Variants in CAMSAP1 observed in about 807,000 individuals in gnomAD.
CAMSAP1 encodes the protein calmodulin regulated spectrin associated protein 1.
CAMSAP1 carries 58 observed loss-of-function variants against 143.5 expected under a neutral mutation model. The ratio of observed to expected loss-of-function variants is 0.40; its 90% confidence interval spans 0.33 to 0.50. CAMSAP1 has a LOEUF of 0.50. Ranked by LOEUF, CAMSAP1 falls within the 20% of genes least tolerant of loss-of-function variation. CAMSAP1 has a pLI of 0.45. For synonymous variants in CAMSAP1, 945 were observed against 859.3 expected (o/e 1.10, Z -1.74); for missense variants, 1,969 against 2,115.7 (o/e 0.93, Z 1.36).
chr9:135,866,370 G>A (rs1017801717), intron 4 of CAMSAP1, 86 bp downstream of exon 4: 4 of 722,634 alleles, frequency 5.5e-6, no homozygotes, highest in South Asian at 1.6e-5. Flanking sequence ...TAGAGAATAA[G>A]CAAATAGTGG....
At chr9:135,893,336 C>G (rs1267942795) in intron 1 of CAMSAP1, among the ~76,000 whole-genome samples, 1 of 83,188 alleles carries the variant, frequency 1.2e-5, no homozygotes, top group African/African-American at 4.6e-5. Context: ...AAGGAAAAAA[C>G]AAAAAAGAAA....
chr9:135,887,655 C>T (rs552777056), intron 1 of CAMSAP1, among the ~76,000 whole-genome samples: 97 of 152,182 alleles, frequency 6.4e-4, no homozygotes, highest in Admixed American at 1.9e-3. Context: ...AAGGGGTGGG[C>T]GGCCCATCAG....
intron 5 of CAMSAP1, among the ~76,000 whole-genome samples, chr9:135,851,618 C>T (rs1836786584): frequency 2.0e-5 from 3 of 152,252 alleles, no homozygotes; most frequent in African/African-American, 7.2e-5. Context: ...ACACTGTCTG[C>T]ATCCACAAGT....
chr9:135,827,322 A>C (rs1182510196), intron 8 of CAMSAP1, 85 bp downstream of exon 8: 2 of 1,289,724 alleles, frequency 1.6e-6, no homozygotes, highest in African/African-American at 3.0e-5. Flanking sequence ...ATTTTAAAAA[A>C]GGTAACTTCA....
At position 135,824,607 on chromosome 9, in the gene CAMSAP1, G is replaced by A. The variant is rs1411999289; in HGVS notation, c.1315+182C>T. 6.6e-6 allele frequency among the ~76,000 whole-genome samples: 1 copy of A among 152,214 alleles called. No homozygotes were observed. Among genetic ancestry groups the A allele is most frequent in the East Asian group, 1.9e-4 (1 of 5,198 alleles). On this transcript the variant is annotated intron_variant, in intron 9 of 16. Coordinates refer to ENST00000389532, the MANE Select transcript of CAMSAP1 (RefSeq NM_015447.4). This position sits in a 1 kb window ranked among gnomAD's most constrained non-coding sequence, Gnocchi z 4.1. Reference sequence around the variant, plus strand: ...TTGAACCAGGGAGTCAGAGGCTGCAGTGAGCCGAGATCGCGCCACAGCACT... The same window carrying A: ...TTGAACCAGGGAGTCAGAGGCTGCAATGAGCCGAGATCGCGCCACAGCACT...
intron 4 of CAMSAP1, 128 bp downstream of exon 4, chr9:135,866,328 A>G: frequency 1.6e-6 from 1 of 620,978 alleles, no homozygotes; most frequent in Non-Finnish European, 2.9e-6. Flanking sequence ...AGGTGAATCC[A>G]AGAGACTAGC....
chr9:135,844,279 A>T (rs1308805996), intron 7 of CAMSAP1, among the ~76,000 whole-genome samples: 1 of 152,196 alleles, frequency 6.6e-6, no homozygotes, highest in Non-Finnish European at 1.5e-5. Flanking sequence ...ATCAAATTAG[A>T]ACTCAGGATG....
chr9:135,897,203 G>A (rs1838482919), intron 1 of CAMSAP1, among the ~76,000 whole-genome samples: 1 of 152,094 alleles, frequency 6.6e-6, no homozygotes, highest in African/African-American at 2.4e-5. Context: ...TGCCCAGGCT[G>A]GAGTGCAGTG....
At chr9:135,894,351 T>C (rs1318786292) in intron 1 of CAMSAP1, among the ~76,000 whole-genome samples, 2 of 152,070 alleles carry the variant, frequency 1.3e-5, no homozygotes, top group Non-Finnish European at 2.9e-5. Flanking sequence ...AGGGAAGCCA[T>C]CCGAGGGGAG....
At chr9:135,872,978 C>T (rs1837618354) in intron 3 of CAMSAP1, among the ~76,000 whole-genome samples, 1 of 152,132 alleles carries the variant, frequency 6.6e-6, no homozygotes, top group African/African-American at 2.4e-5. Context: ...ACACAAACAC[C>T]ACCAACAACC....
intron 1 of CAMSAP1, among the ~76,000 whole-genome samples, chr9:135,904,684 A>T (rs1838717551): frequency 6.6e-6 from 1 of 151,442 alleles, no homozygotes; most frequent in African/African-American, 2.4e-5. Flanking sequence ...AGAAGTGGAA[A>T]CCAGCCAGGC....
At chr9:135,834,680 C>T (rs982789925) in intron 7 of CAMSAP1, among the ~76,000 whole-genome samples, 2 of 152,052 alleles carry the variant, frequency 1.3e-5, no homozygotes, top group African/African-American at 4.8e-5. Flanking sequence ...ACCAAGTTTC[C>T]ATTTTAAGGT....
Position 135,823,107 on chromosome 9 carries a change from G to A in CAMSAP1, c.1554C>T (p.His518=), listed in dbSNP as rs1835545258. ...TCCCGTGGCTCTTCGTGGCCGTGGG[G>A]TGTGGCTGGTTCTGTGGGGTCAGAT... ...IVNLTPQNQP[H]PTATKSHGKS... Residue 518 remains histidine (H), a synonymous_variant, in exon 11 of 17, where the codon CAC becomes CAT. Coordinates refer to ENST00000389532, the MANE Select transcript of CAMSAP1 (RefSeq NM_015447.4). 1.2e-6 allele frequency: 2 copies of A among 1,613,930 alleles called. No homozygotes were observed. Among genetic ancestry groups the A allele is most frequent in the Non-Finnish European group, 1.7e-6 (2 of 1,179,916 alleles).
chr9:135,845,170 G>A (rs1390067349), intron 7 of CAMSAP1, among the ~76,000 whole-genome samples: 3 of 152,110 alleles, frequency 2.0e-5, no homozygotes, highest in African/African-American at 7.2e-5. Context: ...TATCCACCAC[G>A]ATCAAGTTGG....
chr9:135,882,906 G>A lies in CAMSAP1; in HGVS notation c.333C>T (p.Ile111=), dbSNP rs142852004. 1 of 1,551,738 alleles carries A rather than the reference G, an allele frequency of 6.4e-7. No homozygotes were observed. Among genetic ancestry groups the A allele is most frequent in the East Asian group, 2.4e-5 (1 of 40,926 alleles). The change falls in exon 2 of 17, where the codon ATC becomes ATT. Residue 111 remains isoleucine (I), a synonymous_variant. Coordinates refer to ENST00000389532, the MANE Select transcript of CAMSAP1 (RefSeq NM_015447.4). This position sits in a 1 kb window ranked among gnomAD's most constrained non-coding sequence, Gnocchi z 4.9. ...AGATCCCTTTCCGGGACAGGGCCTG[G>A]ATGACAGACTGGTGTCCCTGTAAGG... ...VAALQGHQSV[I]QALSRKGIYV...
chr9:135,820,022 CGA>C lies in CAMSAP1; in HGVS notation c.3822+815_3822+816del, dbSNP rs948069652. ...GCAGAAACAGTTGCGTGTCGCTTGC[CGA>C]GAGAAAACGTTCTGAGAAATAGGTC... On this transcript the variant is annotated intron_variant, in intron 11 of 16. Coordinates refer to ENST00000389532, the MANE Select transcript of CAMSAP1 (RefSeq NM_015447.4). This position sits in a 1 kb window ranked among gnomAD's most constrained non-coding sequence, Gnocchi z 4.4. Among the ~76,000 whole-genome samples, 6 of 152,284 alleles carry C rather than the reference CGA, an allele frequency of 3.9e-5. No individual in the cohort carries two copies. The highest frequency in any genetic ancestry group is 2.0e-4 in the Admixed American group (3 of 15,304).
chr9:135,831,218 T>G (rs569691393), intron 7 of CAMSAP1, among the ~76,000 whole-genome samples: 1 of 152,208 alleles, frequency 6.6e-6, no homozygotes, highest in African/African-American at 2.4e-5. Flanking sequence ...ACGTGGAAAC[T>G]AAACAACACA....
intron 15 of CAMSAP1, among the ~76,000 whole-genome samples, chr9:135,815,487 A>G (rs1261081741): frequency 6.6e-6 from 1 of 152,254 alleles, no homozygotes; most frequent in African/African-American, 2.4e-5. Flanking sequence ...AACCAGGTAA[A>G]TAACTTGTAA....
At position 135,848,869 on chromosome 9, in the gene CAMSAP1, G is replaced by A. The variant is rs538712637; in HGVS notation, c.1045+1268C>T. ...AGGAATGGGCTTGCTGAGCCAAAGGGCAGGCAACCCACAGGACTGGGTAAC... is the reference window on the plus strand; with the variant it reads ...AGGAATGGGCTTGCTGAGCCAAAGGACAGGCAACCCACAGGACTGGGTAAC... On this transcript the variant is annotated intron_variant, in intron 7 of 16. Coordinates refer to ENST00000389532, the MANE Select transcript of CAMSAP1 (RefSeq NM_015447.4). Among the ~76,000 whole-genome samples, 4 of 152,336 alleles carry A rather than the reference G, an allele frequency of 2.6e-5. No homozygotes were observed. The East Asian group carries it at 7.7e-4, about 29-fold the overall frequency.
Sources: gnomAD v4.1 joint callset for allele counts (sites outside exome capture counted in the v4.1 genomes callset) on GRCh38, gnomAD v4.1.1 for gene constraint, Gnocchi (gnomAD v3.1) non-coding constraint, MANE v1.5 for transcripts, NCBI Gene and HGNC (gene_info 2026-07-23, HGNC 2026-07-21) for gene names.